The following MYT1L variants were observed in gnomAD, a reference collection of about 807,000 sequenced individuals.
The protein encoded by MYT1L is myelin transcription factor 1 like, also known as myelin transcription factor 1-like protein.
Under a neutral mutation model 126.7 loss-of-function variants are expected in MYT1L, and 12 were observed. The ratio of observed to expected loss-of-function variants is 0.09; its 90% confidence interval spans 0.06 to 0.15. The LOEUF is 0.15. Among genes scored for constraint, MYT1L ranks in the 10% least tolerant of loss-of-function variants. The pLI is 1.00. For missense variants in MYT1L, 979 were observed against 1,585.2 expected (o/e 0.62, Z 6.49); for synonymous variants, 541 against 604.2 (o/e 0.90, Z 1.53).
At position 1,806,100 on chromosome 2, in the gene MYT1L, C is replaced by G. The variant is rs2035666005; in HGVS notation, c.3172+2976G>C. Among the ~76,000 whole-genome samples, 1 of 152,034 alleles carries G rather than the reference C, an allele frequency of 6.6e-6. No homozygotes were observed. The highest frequency in any genetic ancestry group is 2.1e-4 in the South Asian group (1 of 4,808). ...TCCCCTGATGAGCAGCAGGAAAGGT[C>G]CCTGGACCCTTCCTGGATTAGCTAC... On this transcript the variant is annotated intron_variant, in intron 22 of 24. Coordinates refer to ENST00000647738, the MANE Select transcript of MYT1L (RefSeq NM_001303052.2). This position sits in a 1 kb window ranked among gnomAD's most constrained non-coding sequence, Gnocchi z 4.9.
At chr2:2,329,256 C>A (rs1175248930) in intron 1 of MYT1L, among the ~76,000 whole-genome samples, 2 of 131,942 alleles carry the variant, frequency 1.5e-5, no homozygotes, top group Non-Finnish European at 3.0e-5. Context: ...AGTCAAATGT[C>A]AGGGAGGCAA....
At chr2:2,173,509 TG>T (rs2090340687) in intron 2 of MYT1L, among the ~76,000 whole-genome samples, 1 of 152,244 alleles carries the variant, frequency 6.6e-6, no homozygotes, top group Non-Finnish European at 1.5e-5. Flanking sequence ...CCTTCATTAA[TG>T]GAAATGTAGA....
At chr2:2,085,486 C>T (rs1184087351) in intron 3 of MYT1L, among the ~76,000 whole-genome samples, 1 of 152,166 alleles carries the variant, frequency 6.6e-6, no homozygotes, top group Non-Finnish European at 1.5e-5. Flanking sequence ...CCCTTTCCCA[C>T]CCCCAGAATA....
intron 2 of MYT1L, among the ~76,000 whole-genome samples, chr2:2,175,443 C>T (rs1377000731): frequency 6.6e-6 from 1 of 152,060 alleles, no homozygotes; most frequent in African/African-American, 2.4e-5. Context: ...AAATGGGTCA[C>T]GCTCTTTGTT....
intron 8 of MYT1L, among the ~76,000 whole-genome samples, chr2:1,976,518 T>A (rs2060199958): frequency 6.6e-6 from 1 of 152,128 alleles, no homozygotes; most frequent in Non-Finnish European, 1.5e-5. Context: ...GGCGGGTGCC[T>A]GTAATCCCAG....
intron 2 of MYT1L, among the ~76,000 whole-genome samples, chr2:2,199,979 C>T (rs1468326992): frequency 6.6e-6 from 1 of 152,190 alleles, no homozygotes. Flanking sequence ...AAGGAAGCAG[C>T]GTGCAGTGCC....
At chr2:1,955,435 G>A (rs112526367) in intron 8 of MYT1L, among the ~76,000 whole-genome samples, 4 of 152,054 alleles carry the variant, frequency 2.6e-5, no homozygotes, top group African/African-American at 9.7e-5. Flanking sequence ...TATATTATAT[G>A]TAAAATATTA....
At chr2:2,329,595 TA>T in intron 1 of MYT1L, among the ~76,000 whole-genome samples, 1 of 152,254 alleles carries the variant, frequency 6.6e-6, no homozygotes, top group South Asian at 2.1e-4. Context: ...AAAATCAAGC[TA>T]AAATATAAAG....
At chr2:2,253,776 C>T (rs922240198) in intron 2 of MYT1L, among the ~76,000 whole-genome samples, 1 of 150,824 alleles carries the variant, frequency 6.6e-6, no homozygotes, top group Non-Finnish European at 1.5e-5. Context: ...AAACAGGAAG[C>T]GGGGCAGGAG....
Position 2,271,630 on chromosome 2 carries a change from A to G in MYT1L, c.-421+12774T>C, listed in dbSNP as rs562928448. Among the ~76,000 whole-genome samples, 21 of 152,292 alleles carry G rather than the reference A, an allele frequency of 1.4e-4. 1 individual carries two copies. Among genetic ancestry groups the G allele is most frequent in the South Asian group, 6.2e-4 (3 of 4,824 alleles). ...GGTCAGTGTTTAAACAACAGAAATC[A>G]TTTCCTCACAGTTCTAGAAGGAGGA... On this transcript the variant is annotated intron_variant, in intron 2 of 24. Coordinates refer to ENST00000647738, the MANE Select transcript of MYT1L (RefSeq NM_001303052.2).
intron 4 of MYT1L, among the ~76,000 whole-genome samples, chr2:2,017,925 A>G (rs1259458697): frequency 1.3e-5 from 2 of 152,228 alleles, no homozygotes; most frequent in African/African-American, 4.8e-5. Flanking sequence ...TGTTTCACCT[A>G]AAAGTATTAA....
At chr2:1,956,579 T>C (rs1558533892) in intron 8 of MYT1L, among the ~76,000 whole-genome samples, 1 of 102,002 alleles carries the variant, frequency 9.8e-6, no homozygotes, top group Non-Finnish European at 2.4e-5. Context: ...TCCTATTCTA[T>C]CTATCTATCT....
intron 3 of MYT1L, among the ~76,000 whole-genome samples, chr2:2,107,549 G>T (rs529315718): frequency 1.3e-5 from 2 of 152,156 alleles, no homozygotes; most frequent in Non-Finnish European, 2.9e-5. Context: ...CATTGATCCC[G>T]AAAGGTAGGA....
chr2:2,190,434 A>T (rs1157429123), intron 2 of MYT1L, among the ~76,000 whole-genome samples: 1 of 142,770 alleles, frequency 7.0e-6, no homozygotes, highest in Non-Finnish European at 1.5e-5. Context: ...AATGAGAAGG[A>T]AACCAAACTG....
chr2:1,893,855 C>T (rs2049240207), intron 14 of MYT1L, among the ~76,000 whole-genome samples: 1 of 152,170 alleles, frequency 6.6e-6, no homozygotes. Context: ...GGACTGAAGG[C>T]TCTCAGGACA....
intron 8 of MYT1L, among the ~76,000 whole-genome samples, chr2:1,971,453 G>A (rs1043053547): frequency 3.9e-5 from 6 of 152,174 alleles, no homozygotes; most frequent in African/African-American, 1.4e-4. Flanking sequence ...GCTTTGGGCC[G>A]GGCACAGTGG....
At chr2:2,142,315 A>T (rs2148184889) in intron 3 of MYT1L, among the ~76,000 whole-genome samples, 1 of 152,310 alleles carries the variant, frequency 6.6e-6, no homozygotes, top group African/African-American at 2.4e-5. Context: ...GAATTGTCAT[A>T]GCATTCTTCC....
At chr2:1,948,117 A>T (rs761609886) in intron 8 of MYT1L, among the ~76,000 whole-genome samples, 1 of 152,192 alleles carries the variant, frequency 6.6e-6, no homozygotes, top group Non-Finnish European at 1.5e-5. Context: ...GAACTTTCTG[A>T]TGAAGTGTAC....
At chr2:1,829,334 C>T (rs2039798430) in intron 21 of MYT1L, among the ~76,000 whole-genome samples, 1 of 104,142 alleles carries the variant, frequency 9.6e-6, no homozygotes, top group Non-Finnish European at 2.0e-5. Context: ...CCCTCCCATA[C>T]ACCTGTGAAC....
Sources: gnomAD v4.1 joint callset for allele counts (sites outside exome capture counted in the v4.1 genomes callset) on GRCh38, gnomAD v4.1.1 for gene constraint, Gnocchi (gnomAD v3.1) non-coding constraint, MANE v1.5 for transcripts, NCBI Gene and HGNC (gene_info 2026-07-23, HGNC 2026-07-21) for gene names.